LIN7A: variants seen among roughly 807,000 people sequenced by gnomAD.
LIN7A encodes protein lin-7 homolog A.
In LIN7A, 25 loss-of-function variants were observed where a neutral mutation model predicts 29.8. The observed-to-expected ratio is 0.84, with a 90% CI of 0.61 to 1.17. The LOEUF (loss-of-function observed/expected upper bound fraction) is 1.17. Among genes scored for constraint, LIN7A ranks in the 50% most tolerant of loss-of-function variants. LIN7A has a pLI of 0.00. For missense variants in LIN7A, 239 were observed against 287.0 expected (o/e 0.83, Z 1.21); for synonymous variants, 118 against 107.5 (o/e 1.10, Z -0.60).
At chr12:80,827,204 G>A (rs969715197) in intron 4 of LIN7A, among the ~76,000 whole-genome samples, 2 of 152,008 alleles carry the variant, frequency 1.3e-5, no homozygotes, top group Non-Finnish European at 2.9e-5. Context: ...TGGCTAACAC[G>A]GTGAAACCCC....
chr12:80,829,456 G>A (rs1323261713), intron 4 of LIN7A, among the ~76,000 whole-genome samples: 4 of 151,894 alleles, frequency 2.6e-5, no homozygotes, highest in African/African-American at 4.8e-5. Context: ...TCACTTATAC[G>A]GCATGGCAGA....
rs190213898 is a variant in LIN7A at position 80,869,593 on chromosome 12, T to C, written c.201+19658A>G. On this transcript the variant is annotated intron_variant, in intron 2 of 5. Coordinates refer to ENST00000552864, the MANE Select transcript of LIN7A (RefSeq NM_004664.4). ...CTCAGGAGACCTCAGAATAGACATATACTTAATTTAAAAACTGTTGGGAAT... is the reference window on the plus strand; with the variant it reads ...CTCAGGAGACCTCAGAATAGACATACACTTAATTTAAAAACTGTTGGGAAT... Among the ~76,000 whole-genome samples the C allele has an allele frequency of 3.6e-3, 548 of 152,236 alleles. 5 individuals are homozygous for C. Among genetic ancestry groups the C allele is most frequent in the Admixed American group, 6.2e-3 (95 of 15,282 alleles).
chr12:80,927,155 C>CTTTTTCTTTTTTTTTTTTTTT lies in LIN7A; in HGVS notation c.82+10485_82+10486insAAAAAAAAAAAAAAAGAAAAA, dbSNP rs1246361470. Among the ~76,000 whole-genome samples the CTTTTTCTTTTTTTTTTTTTTT allele has an allele frequency of 7.8e-4, 59 of 75,548 alleles. 1 individual carries two copies. Among genetic ancestry groups the CTTTTTCTTTTTTTTTTTTTTT allele is most frequent in the Non-Finnish European group, 1.1e-3 (48 of 43,422 alleles). 49.6% of individuals were successfully genotyped at this position (75,548 alleles called of 152,430 possible). A position where few individuals can be genotyped will look rare whatever the true frequency, so the allele number is the denominator to read the frequency against. ...CAGTAAACTATTTTCTTTTCTTTTT[C>CTTTTTCTTTTTTTTTTTTTTT]TTTTTTTTTTTTTTTTTTTTTTTTG... is the stretch of plus-strand genomic sequence containing the variant. On this transcript the variant is annotated intron_variant, in intron 1 of 5. Transcript: ENST00000552864.
intron 2 of LIN7A, among the ~76,000 whole-genome samples, chr12:80,856,579 A>G (rs907261518): frequency 1.3e-5 from 2 of 152,222 alleles, no homozygotes; most frequent in African/African-American, 4.8e-5. Context: ...AAGGACATAC[A>G]AGACCTTCGT....
chr12:80,838,748 T>G (rs1565896672), intron 4 of LIN7A, among the ~76,000 whole-genome samples: 1 of 152,202 alleles, frequency 6.6e-6, no homozygotes, highest in Admixed American at 6.5e-5. Context: ...TTGAGGTCTC[T>G]TAGCTGGAAT....
chr12:80,918,519 C>T (rs753501902), intron 1 of LIN7A, among the ~76,000 whole-genome samples: 13 of 152,084 alleles, frequency 8.5e-5, no homozygotes, highest in Non-Finnish European at 1.5e-4. Flanking sequence ...GCTCCCTTTT[C>T]ATCTCCCTTC....
chr12:80,929,202 A>C (rs1405846120), intron 1 of LIN7A, among the ~76,000 whole-genome samples: 1 of 152,234 alleles, frequency 6.6e-6, no homozygotes, highest in Non-Finnish European at 1.5e-5. Context: ...TCCAAATAAA[A>C]TACTCTTAAA....
At chr12:80,804,457 A>C (rs1180727100) in intron 5 of LIN7A, among the ~76,000 whole-genome samples, 1 of 152,086 alleles carries the variant, frequency 6.6e-6, no homozygotes, top group Non-Finnish European at 1.5e-5. Flanking sequence ...CCCACAAATA[A>C]GTGAGAATAT....
At chr12:80,899,002 G>T (rs961703585) in intron 1 of LIN7A, among the ~76,000 whole-genome samples, 2 of 152,036 alleles carry the variant, frequency 1.3e-5, no homozygotes, top group Non-Finnish European at 2.9e-5. Flanking sequence ...CATTGCTCGG[G>T]CTAATCCAGT....
chr12:80,848,372 A>T, intron 2 of LIN7A, 50 bp from the exon 3 acceptor site: 2 of 1,296,486 alleles, frequency 1.5e-6, no homozygotes, highest in Non-Finnish European at 1.1e-6. Flanking sequence ...GAAGAATAAT[A>T]ATTCTTTTAT....
intron 4 of LIN7A, among the ~76,000 whole-genome samples, chr12:80,841,485 A>C (rs1872821145): frequency 6.6e-6 from 1 of 152,128 alleles, no homozygotes; most frequent in African/African-American, 2.4e-5. Flanking sequence ...TATTTATATC[A>C]GAGCCCCTAC....
chr12:80,839,033 C>T (rs1299109386), intron 4 of LIN7A, among the ~76,000 whole-genome samples: 4 of 152,146 alleles, frequency 2.6e-5, no homozygotes, highest in African/African-American at 9.7e-5. Flanking sequence ...GAGTAAATTC[C>T]TTTTCAAAAC....
At chr12:80,897,591 A>G (rs1352936623) in intron 1 of LIN7A, among the ~76,000 whole-genome samples, 1 of 152,090 alleles carries the variant, frequency 6.6e-6, no homozygotes, top group Non-Finnish European at 1.5e-5. Flanking sequence ...GGATCACTTG[A>G]GCCCAGGAGT....
At chr12:80,832,220 T>G (rs751434699) in intron 4 of LIN7A, among the ~76,000 whole-genome samples, 1 of 152,202 alleles carries the variant, frequency 6.6e-6, no homozygotes, top group Non-Finnish European at 1.5e-5. Flanking sequence ...CTTAACTTGG[T>G]GTTTCTAGGA....
At chr12:80,826,426 C>T (rs73137280) in intron 4 of LIN7A, among the ~76,000 whole-genome samples, 5 of 152,314 alleles carry the variant, frequency 3.3e-5, no homozygotes, top group Non-Finnish European at 5.9e-5. Flanking sequence ...TCAATTACCA[C>T]AATTGCATCT....
intron 1 of LIN7A, among the ~76,000 whole-genome samples, chr12:80,915,152 C>CAAAAAAAA (rs3073421): frequency 9.5e-6 from 1 of 104,912 alleles, no homozygotes; most frequent in Non-Finnish European, 2.3e-5. Context: ...AATCAACAAG[C>CAAAAAAAA]AAAAAAAAAA....
intron 4 of LIN7A, among the ~76,000 whole-genome samples, chr12:80,837,940 G>A (rs1472401839): frequency 1.3e-5 from 2 of 151,794 alleles, no homozygotes; most frequent in Non-Finnish European, 2.9e-5. Context: ...ACTTAGCTCA[G>A]TAGCTGGCAC....
intron 2 of LIN7A, among the ~76,000 whole-genome samples, chr12:80,854,022 A>G (rs1266772572): frequency 6.6e-6 from 1 of 152,142 alleles, no homozygotes; most frequent in East Asian, 1.9e-4. Flanking sequence ...GAACATTGCT[A>G]GTGGAAATAC....
chr12:80,831,006 T>C (rs760962869), intron 4 of LIN7A, among the ~76,000 whole-genome samples: 3 of 152,222 alleles, frequency 2.0e-5, no homozygotes, highest in Non-Finnish European at 4.4e-5. Flanking sequence ...TAACACTATA[T>C]GGATTTCCTT....
Sources: gnomAD v4.1 joint callset for allele counts (sites outside exome capture counted in the v4.1 genomes callset) on GRCh38, gnomAD v4.1.1 for gene constraint, MANE v1.5 for transcripts, NCBI Gene and HGNC (gene_info 2026-07-23, HGNC 2026-07-21) for gene names.